Variants in MATN2 observed in about 807,000 individuals in gnomAD.
MATN2 encodes the protein matrilin 2.
In MATN2, 69 loss-of-function variants were observed where a neutral mutation model predicts 103.2. That is an observed-to-expected ratio of 0.67 (90% CI 0.55 to 0.82). MATN2 has a LOEUF of 0.82. Ranked by LOEUF, MATN2 falls within the 40% of genes least tolerant of loss-of-function variation. The pLI is 0.00. For missense variants in MATN2, 1,023 were observed against 1,211.5 expected (o/e 0.84, Z 2.31); for synonymous variants, 429 against 450.2 (o/e 0.95, Z 0.60).
intron 4 of MATN2, among the ~76,000 whole-genome samples, chr8:97,949,712 A>G: frequency 6.6e-6 from 1 of 152,246 alleles, no homozygotes; most frequent in East Asian, 1.9e-4. Flanking sequence ...AAATGTTCAC[A>G]TCAGCTTTAC....
chr8:98,035,676 A>C lies in MATN2; in HGVS notation c.2835A>C (p.Arg945Ser). ...LTQRLEEMTQ[R>S]MEALENRLRY... The stretch of plus-strand genomic sequence containing the variant: ...ATTTACTAGAAGAAATGACACAGAG[A>C]ATGGAAGCCCTGGAAAATCGCCTGA... The change falls in exon 19 of 19, where the codon AGA becomes AGC. Residue 945 changes from arginine to serine, a missense_variant. Arg to Ser is a moderately radical substitution (Grantham distance 110). Transcript: ENST00000254898. 4 of 1,592,780 alleles carry C rather than the reference A, an allele frequency of 2.5e-6. 1 individual carries two copies. In the South Asian group the frequency reaches 4.5e-5, roughly 18 times the overall value.
intron 2 of MATN2, among the ~76,000 whole-genome samples, chr8:97,916,254 G>C (rs1294497121): frequency 6.6e-6 from 1 of 152,012 alleles, no homozygotes; most frequent in Non-Finnish European, 1.5e-5. Flanking sequence ...ATTTTTAGTA[G>C]AGACGGGGTT....
rs538148688 is a variant in MATN2 at position 98,007,701 on chromosome 8, A to C, written c.1573+100A>C. 72 of 1,421,428 alleles carry C rather than the reference A, an allele frequency of 5.1e-5. No homozygotes were observed. The South Asian group carries it at 7.6e-4, about 15-fold the overall frequency. The allele number at this position is 1,421,428 out of a possible 1,614,324, so 88.1% of individuals were successfully genotyped here. On this transcript the variant is annotated intron_variant, in intron 10 of 18. Coordinates refer to ENST00000254898, the MANE Select transcript of MATN2 (RefSeq NM_002380.5). The surrounding 1 kb of genome is among the most constrained non-coding windows in gnomAD (Gnocchi z 4.2). ...ATATGTGCCTGTGTGTCCTGTCTCCAGGCTTTGCTGGGCCTGCATGAATGT... is the reference window on the plus strand; with the variant it reads ...ATATGTGCCTGTGTGTCCTGTCTCCCGGCTTTGCTGGGCCTGCATGAATGT...
At chr8:97,883,200 G>A (rs935964549) in intron 1 of MATN2, among the ~76,000 whole-genome samples, 13 of 150,556 alleles carry the variant, frequency 8.6e-5, no homozygotes, top group East Asian at 4.0e-4. Context: ...CAGGAGAATC[G>A]CTTGAACCCA....
At chr8:97,888,028 A>T in intron 1 of MATN2, 47 bp from the exon 2 acceptor site, 5 of 1,553,674 alleles carry the variant, frequency 3.2e-6, no homozygotes, top group Non-Finnish European at 4.3e-6. Flanking sequence ...GTTCAGGGAG[A>T]CCCGGAAATC....
intron 10 of MATN2, among the ~76,000 whole-genome samples, chr8:98,008,741 T>TTGACA (rs1813060692): frequency 6.6e-6 from 1 of 152,206 alleles, no homozygotes; most frequent in Admixed American, 6.5e-5. Flanking sequence ...ATTGACAGCA[T>TTGACA]GCCAAAGCCA....
At chr8:97,978,350 C>T (rs1054440320) in intron 5 of MATN2, among the ~76,000 whole-genome samples, 1 of 152,190 alleles carries the variant, frequency 6.6e-6, no homozygotes, top group South Asian at 2.1e-4. Flanking sequence ...ATCATTTACC[C>T]TTATTCAATG....
intron 2 of MATN2, among the ~76,000 whole-genome samples, chr8:97,895,229 A>C (rs774267763): frequency 6.6e-6 from 1 of 152,120 alleles, no homozygotes; most frequent in Non-Finnish European, 1.5e-5. Context: ...ATCCCAAAAC[A>C]ATACCTTTAA....
At chr8:97,904,173 G>A (rs1346950027) in intron 2 of MATN2, among the ~76,000 whole-genome samples, 4 of 152,172 alleles carry the variant, frequency 2.6e-5, no homozygotes, top group African/African-American at 9.7e-5. Context: ...TGTAAAGTAG[G>A]TATTAGCTAT....
At chr8:97,884,592 G>T (rs1818365088) in intron 1 of MATN2, among the ~76,000 whole-genome samples, 1 of 152,082 alleles carries the variant, frequency 6.6e-6, no homozygotes, top group African/African-American at 2.4e-5. Flanking sequence ...GCAACATGAT[G>T]AAACCCCGCC....
At chr8:97,941,939 T>G (rs1380242369) in intron 4 of MATN2, 40 bp downstream of exon 4, 3 of 1,602,822 alleles carry the variant, frequency 1.9e-6, no homozygotes, top group African/African-American at 2.7e-5. Flanking sequence ...TTTCTTCCTA[T>G]TCCCTCATCC....
chr8:97,976,015 G>A (rs1313320261), intron 5 of MATN2, among the ~76,000 whole-genome samples: 3 of 152,202 alleles, frequency 2.0e-5, no homozygotes, highest in Non-Finnish European at 4.4e-5. Context: ...ATCCTGAGAT[G>A]ACATGAATGC....
chr8:97,937,216 G>A (rs1447323336), intron 3 of MATN2, among the ~76,000 whole-genome samples: 2 of 152,050 alleles, frequency 1.3e-5, no homozygotes, highest in Non-Finnish European at 1.5e-5. Context: ...AGACCACCAC[G>A]GCAGCTCCCC....
chr8:98,026,292 C>A (rs968325460), intron 13 of MATN2, among the ~76,000 whole-genome samples: 1 of 144,682 alleles, frequency 6.9e-6, no homozygotes. Context: ...CAGGGTCTTG[C>A]TCTGTCACCC....
rs1239419811 is a variant in MATN2 at position 97,931,676 on chromosome 8, T to C, written c.712+154T>C. Among the ~76,000 whole-genome samples the C allele has an allele frequency of 6.6e-6, 1 of 152,204 alleles. No individual in the cohort carries two copies. The highest frequency in any genetic ancestry group is 2.4e-5 in the African/African-American group (1 of 41,444). On this transcript the variant is annotated intron_variant, in intron 3 of 18. Transcript: ENST00000254898. This position sits in a 1 kb window ranked among gnomAD's most constrained non-coding sequence, Gnocchi z 4.1. ...ATAAACACAACGTGCTCCAGGGGCT[T>C]ACACTTTGGCCAAGAGACACATGTT...
intron 6 of MATN2, among the ~76,000 whole-genome samples, chr8:97,990,214 C>A (rs962034112): frequency 6.8e-6 from 1 of 146,414 alleles, no homozygotes; most frequent in Admixed American, 6.8e-5. Flanking sequence ...ACAAGCCACT[C>A]AATAAAAATG....
intron 8 of MATN2, among the ~76,000 whole-genome samples, chr8:98,004,816 TA>T (rs1812912336): frequency 6.6e-6 from 1 of 152,256 alleles, no homozygotes; most frequent in African/African-American, 2.4e-5. Context: ...CTGGGTGATG[TA>T]AATGTATGGG....
At chr8:97,985,840 T>G (rs1358201153) in intron 6 of MATN2, among the ~76,000 whole-genome samples, 1 of 152,210 alleles carries the variant, frequency 6.6e-6, no homozygotes, top group Non-Finnish European at 1.5e-5. Context: ...AGTTTTGAGA[T>G]TATAGGCGCA....
chr8:97,924,117 C>A (rs1222244608), intron 2 of MATN2, among the ~76,000 whole-genome samples: 1 of 152,158 alleles, frequency 6.6e-6, no homozygotes, highest in African/African-American at 2.4e-5. Flanking sequence ...ACTACCTTTG[C>A]CCCTTTCCTG....
Sources: gnomAD v4.1 joint callset for allele counts (sites outside exome capture counted in the v4.1 genomes callset) on GRCh38, gnomAD v4.1.1 for gene constraint, Gnocchi (gnomAD v3.1) non-coding constraint, MANE v1.5 for transcripts, NCBI Gene and HGNC (gene_info 2026-07-23, HGNC 2026-07-21) for gene names.